Variants in ATP8B1 observed in about 807,000 individuals in gnomAD.
The protein encoded by ATP8B1 is ATPase phospholipid transporting 8B1.
ATP8B1 carries 80 observed loss-of-function variants against 149.9 expected under a neutral mutation model. That is an observed-to-expected ratio of 0.53 (90% CI 0.45 to 0.64). The LOEUF (loss-of-function observed/expected upper bound fraction) is 0.64, where lower values mean the gene tolerates loss of function less well. Ranked by LOEUF, ATP8B1 falls within the 30% of genes least tolerant of loss-of-function variation. The pLI, the probability that ATP8B1 is intolerant of heterozygous loss-of-function variation, is 0.00. For missense variants in ATP8B1, 1,247 were observed against 1,552.6 expected (o/e 0.80, Z 3.31); for synonymous variants, 536 against 562.8 (o/e 0.95, Z 0.67).
At chr18:57,664,441 G>C (rs898542786) in intron 20 of ATP8B1, among the ~76,000 whole-genome samples, 2 of 148,788 alleles carry the variant, frequency 1.3e-5, no homozygotes, top group African/African-American at 4.9e-5. Context: ...AGGAGGCGGA[G>C]GTTGCAATGA....
At chr18:57,667,457 A>C (rs1054833572) in intron 19 of ATP8B1, 8 of 394,910 alleles carry the variant, frequency 2.0e-5, no homozygotes, top group Non-Finnish European at 3.8e-5. Flanking sequence ...TTACTGTTGA[A>C]CTGAATAATT....
Position 57,697,790 on chromosome 18 carries a change from C to A in ATP8B1, c.627+5G>T, listed in dbSNP as rs745696446. 6.2e-7 allele frequency: 1 copy of A among 1,613,480 alleles called. No individual in the cohort carries two copies. Among genetic ancestry groups the A allele is most frequent in the East Asian group, 2.2e-5 (1 of 44,854 alleles). On this transcript the variant is annotated splice_donor_5th_base_variant and intron_variant, in intron 7 of 27. Coordinates refer to ENST00000648908, the MANE Select transcript of ATP8B1 (RefSeq NM_001374385.1). ...GAACAAGAGAAGCAGAATTTGTTCA[C>A]TTACTGGAACAAAATCATTTTTTTT...
chr18:57,754,528 C>G (rs567626092), intron 1 of ATP8B1, among the ~76,000 whole-genome samples: 38 of 152,118 alleles, frequency 2.5e-4, no homozygotes, highest in African/African-American at 9.2e-4. Flanking sequence ...ATAGCAGCTG[C>G]CTTTTACAGC....
chr18:57,668,306 T>C, intron 19 of ATP8B1, 123 bp downstream of exon 19: 2 of 1,330,914 alleles, frequency 1.5e-6, no homozygotes. Context: ...AAAAAGCATC[T>C]TCCGTCCAAA....
intron 1 of ATP8B1, among the ~76,000 whole-genome samples, chr18:57,762,061 A>G (rs2080163122): frequency 6.6e-6 from 1 of 151,592 alleles, no homozygotes; most frequent in South Asian, 2.1e-4. Context: ...CGCTGTTCAC[A>G]TCTTGCATTA....
At chr18:57,688,905 G>A (rs766308779) in intron 12 of ATP8B1, among the ~76,000 whole-genome samples, 4 of 152,114 alleles carry the variant, frequency 2.6e-5, no homozygotes, top group African/African-American at 9.7e-5. Flanking sequence ...CCAGAACTCT[G>A]AGCAATAAAT....
rs1911974655 is a variant in ATP8B1, at chr18:57,681,587, A to G, written c.1630+2449T>C. Among the ~76,000 whole-genome samples the G allele has an allele frequency of 2.6e-5, 4 of 152,028 alleles. 1 individual carries two copies. The highest frequency in any genetic ancestry group is 5.9e-5 in the Non-Finnish European group (4 of 68,022). Reference sequence around the variant, plus strand: ...AGGTTGAGGTGGGCAGATCACCTGAAATCAGGAGTTGGAGACCAGCCTGGC... The same window carrying G: ...AGGTTGAGGTGGGCAGATCACCTGAGATCAGGAGTTGGAGACCAGCCTGGC... On this transcript the variant is annotated intron_variant, in intron 15 of 27. Coordinates refer to ENST00000648908, the MANE Select transcript of ATP8B1 (RefSeq NM_001374385.1).
chr18:57,681,789 A>G (rs1911988537), intron 15 of ATP8B1, among the ~76,000 whole-genome samples: 1 of 152,082 alleles, frequency 6.6e-6, no homozygotes, highest in African/African-American at 2.4e-5. Context: ...TGACAAGAGC[A>G]AGACTGTCTC....
Position 57,802,242 on chromosome 18 carries a change from A to G in ATP8B1, c.-26+756T>C, listed in dbSNP as rs2080584147. On this transcript the variant is annotated intron_variant, in intron 1 of 27. Coordinates refer to ENST00000648908, the MANE Select transcript of ATP8B1 (RefSeq NM_001374385.1). This position sits in a 1 kb window ranked among gnomAD's most constrained non-coding sequence, Gnocchi z 4.9. The stretch of plus-strand genomic sequence containing the variant: ...CAACATCTCCCCGCGCCCCCCAACA[A>G]GTTGCCCCTCCTCGTGCACACAGCG... Among the ~76,000 whole-genome samples the G allele has an allele frequency of 6.6e-6, 1 of 152,134 alleles. No homozygotes were observed. Among genetic ancestry groups the G allele is most frequent in the Non-Finnish European group, 1.5e-5 (1 of 68,006 alleles).
chr18:57,785,124 G>A (rs757350546), intron 1 of ATP8B1, among the ~76,000 whole-genome samples: 1 of 152,204 alleles, frequency 6.6e-6, no homozygotes, highest in African/African-American at 2.4e-5. Flanking sequence ...TAAGGTGGAT[G>A]CTGCCTCATC....
intron 1 of ATP8B1, among the ~76,000 whole-genome samples, chr18:57,780,738 A>G (rs746148133): frequency 6.6e-6 from 1 of 152,234 alleles, no homozygotes; most frequent in Non-Finnish European, 1.5e-5. Context: ...TGTACACGAT[A>G]TGTAAAAAAC....
chr18:57,652,409 G>T, intron 25 of ATP8B1, 75 bp downstream of exon 25: 1 of 1,585,856 alleles, frequency 6.3e-7, no homozygotes, highest in Non-Finnish European at 8.7e-7. Flanking sequence ...TCAGGTGGAT[G>T]TGCATGCCAC....
intron 4 of ATP8B1, among the ~76,000 whole-genome samples, chr18:57,704,098 CT>C (rs1009365413): frequency 2.2e-4 from 33 of 152,056 alleles, no homozygotes; most frequent in African/African-American, 6.0e-4. Context: ...TCCCGAGTAG[CT>C]GGGATTATAG....
rs553190146 is a variant in ATP8B1 at position 57,692,012 on chromosome 18, A to C, written c.1030-15T>G. 1.2e-6 allele frequency: 2 copies of C among 1,605,700 alleles called. No homozygotes were observed. The highest frequency in any genetic ancestry group is 3.4e-5 in the Admixed American group (2 of 59,178). ...ACAACAAAGATCTAGAAGACAGAAA[A>C]CATTTAAATGCATTCTGAAGATGGA... On this transcript the variant is annotated splice_polypyrimidine_tract_variant and intron_variant, in intron 11 of 27. Coordinates refer to ENST00000648908, the MANE Select transcript of ATP8B1 (RefSeq NM_001374385.1).
At chr18:57,690,611 G>GAAC (rs751544219) in intron 12 of ATP8B1, among the ~76,000 whole-genome samples, 26 of 152,166 alleles carry the variant, frequency 1.7e-4, no homozygotes, top group Non-Finnish European at 2.6e-4. Context: ...AGTAGCTGTG[G>GAAC]AACAGATGGC....
intron 1 of ATP8B1, among the ~76,000 whole-genome samples, chr18:57,741,688 A>G (rs1239942664): frequency 2.0e-5 from 3 of 152,234 alleles, no homozygotes; most frequent in Admixed American, 2.0e-4. Context: ...TTACACAGCA[A>G]TCGACAACCA....
intron 1 of ATP8B1, among the ~76,000 whole-genome samples, chr18:57,777,075 C>T (rs1160299580): frequency 2.6e-5 from 4 of 151,618 alleles, no homozygotes; most frequent in Non-Finnish European, 5.9e-5. Context: ...CTCTTGGGCT[C>T]AAGTGATTCC....
In ATP8B1 at chr18:57,661,352, T is replaced by G. The variant is rs1365176125; in HGVS notation, c.2529A>C (p.Glu843Asp). ...TTTTCTGCCGCTGCTCTTTCTTAGC[T>G]TCTAGCCTCCTTTTACTTTGGGTCC... The part of the protein sequence containing the change: ...RMRTQSKRRL[E>D]AKKEQRQKNF... Residue 843 changes from glutamate to aspartate, a missense_variant, in exon 22 of 28, where the codon GAA becomes GAC. This residue lies in a region of ATP8B1 where 853 missense variants were observed against 1,035.7 expected (regional missense o/e 0.82). Coordinates refer to ENST00000648908, the MANE Select transcript of ATP8B1 (RefSeq NM_001374385.1). The G allele has an allele frequency of 6.8e-6, 11 of 1,613,922 alleles. No homozygotes were observed. The highest frequency in any genetic ancestry group is 1.6e-4 in the Middle Eastern group (1 of 6,084).
At chr18:57,752,048 A>G (rs1415108239) in intron 1 of ATP8B1, among the ~76,000 whole-genome samples, 1 of 151,900 alleles carries the variant, frequency 6.6e-6, no homozygotes. Context: ...TCTACAAAAA[A>G]ATACAAAAAT....
Sources: allele counts gnomAD v4.1 joint callset (sites outside exome capture counted in the v4.1 genomes callset), GRCh38; gene constraint gnomAD v4.1.1; regional missense constraint gnomAD v4.1.1; non-coding constraint Gnocchi (gnomAD v3.1); transcripts MANE v1.5; gene names NCBI Gene and HGNC (gene_info 2026-07-23, HGNC 2026-07-21).